The following FAM13A variants were observed in gnomAD, a reference collection of about 807,000 sequenced individuals.
The protein encoded by FAM13A is protein FAM13A.
FAM13A carries 76 observed loss-of-function variants against 129.6 expected under a neutral mutation model. The observed-to-expected ratio is 0.59, with a 90% CI of 0.49 to 0.71. The LOEUF is 0.71. Among genes scored for constraint, FAM13A ranks in the 30% least tolerant of loss-of-function variants. The pLI, the probability that FAM13A is intolerant of heterozygous loss-of-function variation, is 0.00. For missense variants in FAM13A, 1,108 were observed against 1,249.3 expected (o/e 0.89, Z 1.70); for synonymous variants, 443 against 449.9 (o/e 0.98, Z 0.20).
intron 1 of FAM13A, among the ~76,000 whole-genome samples, chr4:89,046,333 T>C (rs1770855770): frequency 1.3e-5 from 2 of 152,132 alleles, no homozygotes; most frequent in African/African-American, 4.8e-5. Context: ...TTGGAACATA[T>C]TCAGGTTTTA....
At chr4:89,046,647 C>T (rs1396972905) in intron 1 of FAM13A, among the ~76,000 whole-genome samples, 1 of 151,914 alleles carries the variant, frequency 6.6e-6, no homozygotes, top group East Asian at 1.9e-4. Context: ...CCCAGGAGTG[C>T]AAGACCAGCC....
intron 6 of FAM13A, among the ~76,000 whole-genome samples, chr4:88,884,626 A>G (rs1475546631): frequency 2.6e-5 from 4 of 152,198 alleles, no homozygotes; most frequent in African/African-American, 7.2e-5. Context: ...TCTATTCAAC[A>G]TAGTACTGGA....
chr4:88,949,082 C>T, intron 4 of FAM13A, among the ~76,000 whole-genome samples: 1 of 152,284 alleles, frequency 6.6e-6, no homozygotes, highest in Non-Finnish European at 1.5e-5. Context: ...GTTTTCTTCA[C>T]CTTTATTTCT....
At chr4:89,039,455 C>T (rs1443435286) in intron 1 of FAM13A, among the ~76,000 whole-genome samples, 1 of 152,100 alleles carries the variant, frequency 6.6e-6, no homozygotes, top group Non-Finnish European at 1.5e-5. Context: ...ATTGGCTCAT[C>T]AATTACAACA....
intron 11 of FAM13A, among the ~76,000 whole-genome samples, chr4:88,770,713 G>A (rs965538506): frequency 1.3e-5 from 2 of 152,020 alleles, no homozygotes; most frequent in Non-Finnish European, 2.9e-5. Context: ...GAACCAAAAT[G>A]TAATTGATAC....
chr4:88,756,746 C>T lies in FAM13A; in HGVS notation c.1726+2008G>A, dbSNP rs115341081. ...TTTTAGTGATCAGACTTATTGCTCT[C>T]GTTTTATGCAAAAATTCCTTACTTT... On this transcript the variant is annotated intron_variant, in intron 14 of 23. Transcript: ENST00000264344. Among the ~76,000 whole-genome samples, 590 of 152,044 alleles carry T rather than the reference C, an allele frequency of 3.9e-3. 6 individuals carry two copies. Among genetic ancestry groups the T allele is most frequent in the African/African-American group, 0.014 (571 of 41,472 alleles).
At chr4:89,026,335 T>G (rs114513168) in intron 2 of FAM13A, among the ~76,000 whole-genome samples, 1 of 152,212 alleles carries the variant, frequency 6.6e-6, no homozygotes, top group East Asian at 1.9e-4. Flanking sequence ...TTTGAAGCAT[T>G]TGAATAAATC....
chr4:88,739,113 CG>C lies in FAM13A; in HGVS notation c.2478del (p.Asn826LysfsTer5). The C allele has an allele frequency of 6.2e-7, 1 of 1,613,452 alleles. No homozygotes were observed. The highest frequency in any genetic ancestry group is 1.1e-5 in the South Asian group (1 of 91,038). ...ESIHGRPVTK[N>X]ERQVMKPLYD... ...TATAGTGGCTTCATCACCTGCCGTTCGTTCTTTGTTACCTGAAAAGCAAGAA... is the reference window on the plus strand; with the variant it reads ...TATAGTGGCTTCATCACCTGCCGTTCTTCTTTGTTACCTGAAAAGCAAGAA... On this transcript the variant is annotated frameshift_variant, in exon 20 of 24. Coordinates refer to ENST00000264344, the MANE Select transcript of FAM13A (RefSeq NM_014883.4). LOFTEE classifies it high-confidence loss of function.
At chr4:88,759,636 C>G (rs1744405814) in intron 13 of FAM13A, among the ~76,000 whole-genome samples, 1 of 152,006 alleles carries the variant, frequency 6.6e-6, no homozygotes, top group Non-Finnish European at 1.5e-5. Flanking sequence ...CAAGAGCTGG[C>G]AAGTCAGTGA....
intron 4 of FAM13A, among the ~76,000 whole-genome samples, chr4:88,940,995 C>T (rs1259681498): frequency 2.0e-5 from 3 of 152,104 alleles, no homozygotes; most frequent in African/African-American, 4.8e-5. Flanking sequence ...TGGCAGGAAG[C>T]AGGTTGATAA....
At chr4:88,863,217 C>A (rs1187669482) in intron 6 of FAM13A, among the ~76,000 whole-genome samples, 3 of 152,114 alleles carry the variant, frequency 2.0e-5, no homozygotes, top group Non-Finnish European at 4.4e-5. Context: ...GGGAAAGGGG[C>A]TGGAGATAGA....
chr4:88,758,960 T>TG, intron 13 of FAM13A, 59 bp from the exon 14 acceptor site: 1 of 1,542,360 alleles, frequency 6.5e-7, no homozygotes. Context: ...CCAAGACGTC[T>TG]GCAGCAATTC....
chr4:88,860,230 T>G (rs952924439), intron 6 of FAM13A, among the ~76,000 whole-genome samples: 1 of 152,196 alleles, frequency 6.6e-6, no homozygotes, highest in Non-Finnish European at 1.5e-5. Context: ...ATTAATGTGT[T>G]CTTAAAATAT....
chr4:88,751,761 T>C lies in FAM13A; in HGVS notation c.1727-1124A>G, dbSNP rs371665303. On this transcript the variant is annotated intron_variant, in intron 14 of 23. Coordinates refer to ENST00000264344, the MANE Select transcript of FAM13A (RefSeq NM_014883.4). ...AATCCTATCTAAAAGATTTAAAAAA[T>C]AGATGTCGATGATATAAGGTATTTC... 5.8e-4 allele frequency among the ~76,000 whole-genome samples: 88 copies of C among 152,294 alleles called. 1 individual carries two copies. Among genetic ancestry groups the C allele is most frequent in the African/African-American group, 2.0e-3 (82 of 41,572 alleles).
rs536666438 is a variant in FAM13A at position 88,908,228 on chromosome 4, C to T, written c.760-1766G>A. Among the ~76,000 whole-genome samples, 6 of 152,332 alleles carry T rather than the reference C, an allele frequency of 3.9e-5. No individual in the cohort carries two copies. In the South Asian group the frequency reaches 6.2e-4, roughly 16 times the overall value. Reference sequence around the variant, plus strand: ...CTGCTTTCTGGAAATAGTGAATGAACCCATTCCCGCTTCTGACTCACTGTG... The same window carrying T: ...CTGCTTTCTGGAAATAGTGAATGAATCCATTCCCGCTTCTGACTCACTGTG... On this transcript the variant is annotated intron_variant, in intron 5 of 23. Coordinates refer to ENST00000264344, the MANE Select transcript of FAM13A (RefSeq NM_014883.4).
At chr4:88,899,694 A>G (rs1391248371) in intron 6 of FAM13A, among the ~76,000 whole-genome samples, 1 of 152,094 alleles carries the variant, frequency 6.6e-6, no homozygotes, top group African/African-American at 2.4e-5. Context: ...AAGTTTTTCT[A>G]TACTGAAAAC....
chr4:88,731,250 T>C, intron 23 of FAM13A, 77 bp downstream of exon 23: 1 of 759,314 alleles, frequency 1.3e-6, no homozygotes. Flanking sequence ...ATTCCACAGA[T>C]CTGACAGAAA....
chr4:88,857,793 C>CA (rs1047414916), intron 6 of FAM13A, among the ~76,000 whole-genome samples: 21 of 152,110 alleles, frequency 1.4e-4, no homozygotes, highest in African/African-American at 4.8e-4. Flanking sequence ...GCCATTCCAG[C>CA]AGAAATGTTT....
chr4:88,770,750 T>C (rs1720519130), intron 11 of FAM13A, among the ~76,000 whole-genome samples: 1 of 152,116 alleles, frequency 6.6e-6, no homozygotes, highest in Non-Finnish European at 1.5e-5. Context: ...AGAATAAAGT[T>C]AGTTAGGTCA....
Sources: allele counts gnomAD v4.1 joint callset (sites outside exome capture counted in the v4.1 genomes callset), GRCh38; gene constraint gnomAD v4.1.1; transcripts MANE v1.5; gene names NCBI Gene and HGNC (gene_info 2026-07-23, HGNC 2026-07-21).